The following CBLC variants were observed in gnomAD, a reference collection of about 807,000 sequenced individuals.
The protein encoded by CBLC is Cbl proto-oncogene C.
A neutral mutation model predicts 58.6 loss-of-function variants in CBLC; 46 were observed. The observed-to-expected ratio is 0.79, with a 90% CI of 0.62 to 1.00. The LOEUF is 1.00. Among genes scored for constraint, CBLC ranks in the 50% least tolerant of loss-of-function variants. The pLI is 0.00. For synonymous variants in CBLC, 271 were observed against 264.2 expected (o/e 1.03, Z -0.25); for missense variants, 655 against 625.8 (o/e 1.05, Z -0.50).
chr19:44,777,869 A>C (rs1599853171), upstream of CBLC: 3 of 1,392,616 alleles, frequency 2.2e-6, no homozygotes, highest in Non-Finnish European at 1.9e-6. Context: ...CTCTCCTTTC[A>C]CTCTGGGCGA....
intron 5 of CBLC, 23 bp from the exon 6 acceptor site, chr19:44,789,981 C>G: frequency 1.3e-6 from 2 of 1,524,870 alleles, no homozygotes; most frequent in Non-Finnish European, 1.8e-6. Flanking sequence ...GCCCCCCAGT[C>G]CCCCTCTCTT....
chr19:44,792,505 T>TGCCTGGCA lies in CBLC; in HGVS notation c.1130_1137dup (p.His380ProfsTer23). On this transcript the variant is annotated frameshift_variant, in exon 7 of 11. Coordinates refer to ENST00000647358, the MANE Select transcript of CBLC (RefSeq NM_012116.4). LOFTEE classifies it high-confidence loss of function. ...ACCTGCTCTGCAGCTGCTGCCTGGCTGCCTGGCAGGTGGGTCTGACCCCTG... is the reference window on the plus strand; with the variant it reads ...ACCTGCTCTGCAGCTGCTGCCTGGCTGCCTGGCAGCCTGGCAGGTGGGTCTGACCCCTG... 4 of 1,600,422 alleles carry TGCCTGGCA rather than the reference T, an allele frequency of 2.5e-6. No homozygotes were observed. The highest frequency in any genetic ancestry group is 3.4e-6 in the Non-Finnish European group (4 of 1,174,962).
At chr19:44,779,458 T>A (rs1166128581) in intron 1 of CBLC, among the ~76,000 whole-genome samples, 6 of 152,024 alleles carry the variant, frequency 3.9e-5, no homozygotes, top group African/African-American at 1.4e-4. Flanking sequence ...AATCTCAGAG[T>A]GACCAGGCAG....
intron 5 of CBLC, among the ~76,000 whole-genome samples, chr19:44,785,809 G>C (rs1457741613): frequency 6.6e-6 from 1 of 151,736 alleles, no homozygotes; most frequent in Non-Finnish European, 1.5e-5. Flanking sequence ...GCAGTGGCGT[G>C]CACCTGTAAT....
chr19:44,800,144 C>T (rs1378634827), intron 9 of CBLC, among the ~76,000 whole-genome samples: 4 of 152,204 alleles, frequency 2.6e-5, no homozygotes, highest in African/African-American at 7.2e-5. Flanking sequence ...CAGGCTGCAG[C>T]CTAGCAGAGA....
At chr19:44,789,636 C>T (rs990043507) in intron 5 of CBLC, among the ~76,000 whole-genome samples, 12 of 152,180 alleles carry the variant, frequency 7.9e-5, no homozygotes. Flanking sequence ...GATGATCCAC[C>T]CACCTCGGCC....
intron 5 of CBLC, among the ~76,000 whole-genome samples, chr19:44,787,061 G>T (rs1231024916): frequency 1.3e-5 from 2 of 151,936 alleles, no homozygotes; most frequent in African/African-American, 2.4e-5. Context: ...TTCCAGCTTG[G>T]GTGACAGAGT....
chr19:44,797,574 C>CTTTTTTTTTTTTT lies in CBLC; in HGVS notation c.1363-2804_1363-2792dup, dbSNP rs763685561. ...AACTTTTGCTATGTGCCTGGCATTG[C>CTTTTTTTTTTTTT]TTTTTTTTTTTTTTTAAGATGGGGT... On this transcript the variant is annotated intron_variant, in intron 9 of 10. Transcript: ENST00000647358. Among the ~76,000 whole-genome samples, 5 of 133,210 alleles carry CTTTTTTTTTTTTT rather than the reference C, an allele frequency of 3.8e-5. 1 individual carries two copies. Among genetic ancestry groups the CTTTTTTTTTTTTT allele is most frequent in the Non-Finnish European group, 1.6e-5 (1 of 62,856 alleles). 87.4% of individuals were successfully genotyped at this position (133,210 alleles called of 152,430 possible).
chr19:44,791,902 C>G (rs1423416031), intron 6 of CBLC, among the ~76,000 whole-genome samples: 3 of 151,782 alleles, frequency 2.0e-5, no homozygotes, highest in African/African-American at 7.3e-5. Flanking sequence ...CTCCTGGGCT[C>G]AAGCATTCCA....
At chr19:44,798,066 C>T (rs1382606515) in intron 9 of CBLC, among the ~76,000 whole-genome samples, 1 of 152,036 alleles carries the variant, frequency 6.6e-6, no homozygotes, top group Non-Finnish European at 1.5e-5. Flanking sequence ...TGAGAAACCT[C>T]CCTTTAGGGG....
At chr19:44,781,169 G>C in intron 2 of CBLC, 38 bp from the exon 3 acceptor site, 2 of 1,586,458 alleles carry the variant, frequency 1.3e-6, no homozygotes, top group Non-Finnish European at 8.6e-7. Context: ...GGCTCTGGGA[G>C]GCCTCAGCGG....
chr19:44,789,172 G>A (rs1338865272), intron 5 of CBLC, among the ~76,000 whole-genome samples: 4 of 152,162 alleles, frequency 2.6e-5, no homozygotes, highest in Admixed American at 2.6e-4. Flanking sequence ...CTACAACCCT[G>A]GTTCTCGGTC....
chr19:44,796,586 T>C (rs1968182540), intron 9 of CBLC, among the ~76,000 whole-genome samples: 1 of 152,084 alleles, frequency 6.6e-6, no homozygotes. Flanking sequence ...GGTTTCTCCA[T>C]GTTGGTCAGG....
chr19:44,778,003 G>A lies in CBLC; in HGVS notation c.72G>A (p.Met24Ile). 6.2e-7 allele frequency: 1 copy of A among 1,608,926 alleles called. No individual in the cohort carries two copies. The change falls in exon 1 of 11, where the codon ATG becomes ATA. Residue 24 changes from methionine to isoleucine, a missense_variant. Physicochemically the swap from Met to Ile is conservative, Grantham distance 10. This residue lies in a region of CBLC where 280 missense variants were observed against 237.2 expected (regional missense o/e 1.18). Coordinates refer to ENST00000647358, the MANE Select transcript of CBLC (RefSeq NM_012116.4). ...EARALGRAVR[M>I]LQRLEEQCVD... is the part of the protein sequence containing the mutation. ...GCGCCCTGGGCCGGGCAGTCAGGAT[G>A]CTGCAGCGCCTAGAAGAGCAATGCG...
At chr19:44,800,507 C>A in intron 10 of CBLC, 44 bp from the exon 11 acceptor site, 1 of 1,129,740 alleles carries the variant, frequency 8.9e-7, no homozygotes, top group Non-Finnish European at 1.3e-6. Flanking sequence ...CCCTCCTCCA[C>A]CTGGAGGTGA....
At chr19:44,791,174 T>C (rs1249596622) in intron 6 of CBLC, among the ~76,000 whole-genome samples, 1 of 151,368 alleles carries the variant, frequency 6.6e-6, no homozygotes, top group Non-Finnish European at 1.5e-5. Flanking sequence ...GGCACAGTGG[T>C]TCATGCCTGT....
At chr19:44,794,070 A>G (rs1968125752) in intron 8 of CBLC, 134 bp from the exon 9 acceptor site, 6 of 1,443,872 alleles carry the variant, frequency 4.2e-6, no homozygotes, top group South Asian at 3.0e-5. Flanking sequence ...CTAAGTGTTC[A>G]TACGTTGTCT....
chr19:44,793,247 CTG>C (rs1279946433), intron 7 of CBLC, among the ~76,000 whole-genome samples: 1 of 152,180 alleles, frequency 6.6e-6, no homozygotes, highest in Non-Finnish European at 1.5e-5. Flanking sequence ...GATCCCTGGC[CTG>C]TGTGCCCCCT....
In CBLC at chr19:44,793,570, GACT is replaced by G; in HGVS notation, c.1235_1237del (p.Asp412_Ser413delinsAla). 1 of 1,610,040 alleles carries G rather than the reference GACT, an allele frequency of 6.2e-7. No individual in the cohort carries two copies. Among genetic ancestry groups the G allele is most frequent in the South Asian group, 1.1e-5 (1 of 90,020 alleles). On this transcript the variant is annotated inframe_deletion, in exon 8 of 11. Transcript: ENST00000647358. ...GTTCCACGGTCAGGCTACTGCTGAG[GACT>G]CAGGGAACAGCAGTGACCAGGAAGG...
Sources: gnomAD v4.1 joint callset for allele counts (sites outside exome capture counted in the v4.1 genomes callset) on GRCh38, gnomAD v4.1.1 for gene constraint, gnomAD v4.1.1 regional missense constraint, MANE v1.5 for transcripts, NCBI Gene and HGNC (gene_info 2026-07-23, HGNC 2026-07-21) for gene names.